Variants in C16orf95 observed in about 807,000 individuals in gnomAD.
C16orf95 encodes uncharacterized protein C16orf95.
In C16orf95, 41 loss-of-function variants were observed where a neutral mutation model predicts 32.1. The observed-to-expected ratio is 1.28, with a 90% CI of 1.00 to 1.66. C16orf95 has a LOEUF of 1.66. Among genes scored for constraint, C16orf95 ranks in the 40% most tolerant of loss-of-function variants. The probability of loss-of-function intolerance (pLI) is 0.00; values close to 1 mark genes in which losing one functional copy is unlikely to be tolerated. For missense variants in C16orf95, 399 were observed against 325.9 expected, an observed-to-expected ratio of 1.22 and a Z score of -1.73; for synonymous variants, 147 against 128.9, an observed-to-expected ratio of 1.14 and a Z score of -0.95.
intron 2 of C16orf95, 43 bp downstream of exon 2, chr16:87,315,729 A>C: frequency 3.5e-6 from 5 of 1,417,400 alleles, no homozygotes; most frequent in Non-Finnish European, 4.8e-6. Flanking sequence ...CCACAGGGAT[A>C]TGTTGGGGTC....
intron 5 of C16orf95, 132 bp from the exon 6 acceptor site, chr16:87,306,037 T>G: frequency 1.6e-6 from 1 of 612,850 alleles, no homozygotes; most frequent in Non-Finnish European, 2.5e-6. Context: ...AGCCCCGGGG[T>G]GGGGACACTG....
intron 3 of C16orf95, among the ~76,000 whole-genome samples, chr16:87,311,790 T>C (rs1312879465): frequency 6.6e-6 from 1 of 152,240 alleles, no homozygotes; most frequent in African/African-American, 2.4e-5. Context: ...TACTTTCACA[T>C]CTGCAAAGTG....
intron 5 of C16orf95, among the ~76,000 whole-genome samples, 174 bp downstream of exon 5, chr16:87,310,123 C>T (rs12925216): frequency 0.55 from 83,012 of 151,890 alleles, 23,193 homozygotes; most frequent in Non-Finnish European, 0.6. Flanking sequence ...TGGGGGAAGG[C>T]AGTGGGTGAC....
rs1369522975 is a variant in C16orf95 at position 87,305,809 on chromosome 16, T to A, written c.611A>T (p.Gln204Leu). The A allele has an allele frequency of 2.0e-6, 3 of 1,511,046 alleles. No individual in the cohort carries two copies. Among genetic ancestry groups the A allele is most frequent in the Non-Finnish European group, 2.6e-6 (3 of 1,135,164 alleles). 93.6% of individuals were successfully genotyped at this position (1,511,046 alleles called of 1,614,324 possible). ...SKFQQLQAPY[Q>L]DQLPAPAARL... ...CGCTGCAGGAGCCGGTAGCTGGTCC[T>A]GGTAGGGGGCCTGGAGCTGCTGGAA... is the stretch of plus-strand genomic sequence containing the variant. The change falls in exon 6 of 7, where the codon CAG becomes CTG. Residue 204 changes from glutamine (Q) to leucine (L), a missense_variant. Gln to Leu is a moderately radical substitution (Grantham distance 113). Transcript: ENST00000567970. This position sits in a 1 kb window ranked among gnomAD's most constrained non-coding sequence, Gnocchi z 4.2.
chr16:87,311,447 C>A (rs1378813049), intron 3 of C16orf95, among the ~76,000 whole-genome samples, 151 bp from the exon 4 acceptor site: 6 of 152,248 alleles, frequency 3.9e-5, no homozygotes, highest in Non-Finnish European at 8.8e-5. Context: ...CCCACAAGCA[C>A]ACCCAACCAC....
At chr16:87,311,473 G>A (rs1212262124) in intron 3 of C16orf95, among the ~76,000 whole-genome samples, 177 bp from the exon 4 acceptor site, 2 of 152,220 alleles carry the variant, frequency 1.3e-5, no homozygotes, top group Non-Finnish European at 1.5e-5. Context: ...ATATGGGACT[G>A]TGGTCTACCC....
At chr16:87,313,352 C>G (rs1236851036) in intron 3 of C16orf95, among the ~76,000 whole-genome samples, 1 of 152,130 alleles carries the variant, frequency 6.6e-6, no homozygotes, top group Non-Finnish European at 1.5e-5. Context: ...GAAGAGGGTT[C>G]AGAAATAAAT....
Position 87,317,195 on chromosome 16 carries a change from A to G in C16orf95, c.48T>C (p.His16=). 1 of 1,529,720 alleles carries G rather than the reference A, an allele frequency of 6.5e-7. No homozygotes were observed. The highest frequency in any genetic ancestry group is 1.2e-5 in the South Asian group (1 of 83,024). 94.8% of individuals were successfully genotyped at this position (1,529,720 alleles called of 1,614,324 possible). A position where few individuals can be genotyped will look rare whatever the true frequency, so the allele number is the denominator to read the frequency against. The stretch of plus-strand genomic sequence containing the variant: ...CTGAGGCTGCTCCAGTGGCCTCATG[A>G]TGATGGTGACAACGCCGCGGGGACG... ...SPPSPRRCHH[H]HEATGAASGA... The change falls in exon 1 of 7, where the codon CAT becomes CAC. Residue 16 remains histidine (H), a synonymous_variant. Coordinates refer to ENST00000567970, the MANE Select transcript of C16orf95 (RefSeq NM_001195124.3).
intron 5 of C16orf95, among the ~76,000 whole-genome samples, chr16:87,309,363 C>CT (rs1911170856): frequency 1.1e-5 from 1 of 94,748 alleles, no homozygotes; most frequent in African/African-American, 4.8e-5. Flanking sequence ...TTTTCTTTTT[C>CT]TTTCTTTTCT....
chr16:87,303,469 C>T (rs1046383323), intron 6 of C16orf95: 7 of 192,750 alleles, frequency 3.6e-5, no homozygotes, highest in South Asian at 1.3e-4. Context: ...CTCTCCAGGC[C>T]GGCAGACGGG....
In C16orf95 at chr16:87,305,062, TG is replaced by T. The variant is rs1910950222; in HGVS notation, c.701+656del. 6.6e-6 allele frequency among the ~76,000 whole-genome samples: 1 copy of T among 152,088 alleles called. No homozygotes were observed. The highest frequency in any genetic ancestry group is 2.4e-5 in the African/African-American group (1 of 41,416). ...GAGGAGGAGGAGAGGAGAGAGGCTT[TG>T]CAGAGGAGCCACCGCCTAGGCCGAG... On this transcript the variant is annotated intron_variant, in intron 6 of 6. Transcript: ENST00000567970. This position sits in a 1 kb window ranked among gnomAD's most constrained non-coding sequence, Gnocchi z 4.2.
intron 5 of C16orf95, among the ~76,000 whole-genome samples, chr16:87,308,905 G>A (rs1052400203): frequency 1.3e-5 from 2 of 152,222 alleles, no homozygotes; most frequent in African/African-American, 4.8e-5. Context: ...AGATGTCTAC[G>A]CTGTTGGCTA....
chr16:87,310,905 G>A (rs1308232386), intron 4 of C16orf95, among the ~76,000 whole-genome samples: 1 of 152,188 alleles, frequency 6.6e-6, no homozygotes, highest in African/African-American at 2.4e-5. Flanking sequence ...TCTGCAGAGA[G>A]CAGCGCGGCC....
chr16:87,307,315 T>C (rs909098253), intron 5 of C16orf95, among the ~76,000 whole-genome samples: 4 of 152,134 alleles, frequency 2.6e-5, no homozygotes, highest in African/African-American at 4.8e-5. Context: ...GATCTCCCCA[T>C]ATACTATGTC....
intron 3 of C16orf95, among the ~76,000 whole-genome samples, chr16:87,313,971 C>T (rs1911394377): frequency 6.6e-6 from 1 of 151,982 alleles, no homozygotes; most frequent in African/African-American, 2.4e-5. Context: ...CAAATGAAAA[C>T]TACGATGAGA....
In C16orf95 at chr16:87,314,938, C is replaced by T. The variant is rs189732223; in HGVS notation, c.330+33G>A. On this transcript the variant is annotated intron_variant, in intron 3 of 6. Coordinates refer to ENST00000567970, the MANE Select transcript of C16orf95 (RefSeq NM_001195124.3). ...GGTCAACTGACATTCACCCTGGACCCTAGGGGAAGACCTCCTGGTTCAAGT... is the reference window on the plus strand; with the variant it reads ...GGTCAACTGACATTCACCCTGGACCTTAGGGGAAGACCTCCTGGTTCAAGT... 2.0e-3 allele frequency: 3,031 copies of T among 1,532,150 alleles called. 2 individuals are homozygous for T. Among genetic ancestry groups the T allele is most frequent in the Non-Finnish European group, 2.4e-3 (2,714 of 1,144,702 alleles). The allele number at this position is 1,532,150 out of a possible 1,614,324, so 94.9% of individuals were successfully genotyped here.
intron 4 of C16orf95, among the ~76,000 whole-genome samples, chr16:87,310,835 G>C (rs1010684059): frequency 2.0e-5 from 3 of 152,258 alleles, no homozygotes; most frequent in Middle Eastern, 3.4e-3. Flanking sequence ...GAGTGCAGAG[G>C]GGGAGGAAGA....
intron 5 of C16orf95, among the ~76,000 whole-genome samples, chr16:87,307,706 C>T (rs146379664): frequency 0.031 from 4,664 of 152,098 alleles, 242 homozygotes; most frequent in African/African-American, 0.11. Context: ...TGCAGTGAGC[C>T]GAGATCACGT....
rs76128303 is a variant in C16orf95, at chr16:87,305,630, T to C, written c.701+89A>G. ...TCAAGTTAAGCCCCACCCCCCACTC[T>C]TCCACATCCCTGATGGCCACCAAGC... On this transcript the variant is annotated intron_variant, in intron 6 of 6. Coordinates refer to ENST00000567970, the MANE Select transcript of C16orf95 (RefSeq NM_001195124.3). The surrounding 1 kb of genome is among the most constrained non-coding windows in gnomAD (Gnocchi z 4.2). 466,428 of 1,241,234 alleles carry C rather than the reference T, an allele frequency of 0.38. 94,538 individuals are homozygous for C. Among genetic ancestry groups the C allele is most frequent in the Non-Finnish European group, 0.42 (394,454 of 928,310 alleles). The allele number at this position is 1,241,234 out of a possible 1,614,324, so 76.9% of individuals were successfully genotyped here. A position where few individuals can be genotyped will look rare whatever the true frequency, so the allele number is the denominator to read the frequency against.
Sources: gnomAD v4.1 joint callset for allele counts (sites outside exome capture counted in the v4.1 genomes callset) on GRCh38, gnomAD v4.1.1 for gene constraint, Gnocchi (gnomAD v3.1) non-coding constraint, MANE v1.5 for transcripts, NCBI Gene and HGNC (gene_info 2026-07-23, HGNC 2026-07-21) for gene names.